The following MPP7 variants were observed in gnomAD, a reference collection of about 807,000 sequenced individuals.
The protein encoded by MPP7 is MAGUK p55 scaffold protein 7, also known as MAGUK p55 subfamily member 7.
In MPP7, 60 loss-of-function variants were observed where a neutral mutation model predicts 76.5. The observed-to-expected ratio is 0.78, with a 90% confidence interval of 0.64 to 0.97. The LOEUF is 0.97. MPP7 is among the 50% of genes least tolerant of loss of function. The pLI is 0.00. For synonymous variants in MPP7, 237 were observed against 244.5 expected (o/e 0.97, Z 0.29); for missense variants, 641 against 694.0 (o/e 0.92, Z 0.86).
chr10:28,224,292 A>C (rs1468261445), intron 2 of MPP7, among the ~76,000 whole-genome samples: 1 of 152,178 alleles, frequency 6.6e-6, no homozygotes, highest in African/African-American at 2.4e-5. Context: ...GTTAACAACT[A>C]GAAGAAAAAA....
chr10:28,103,787 T>C (rs7069269), intron 11 of MPP7, among the ~76,000 whole-genome samples: 29,635 of 151,948 alleles, frequency 0.2, 4,353 homozygotes, highest in African/African-American at 0.4. Flanking sequence ...GAAAGTTATA[T>C]GCTACAAATA....
At chr10:28,303,141 G>A (rs191482902), upstream of MPP7, among the ~76,000 whole-genome samples, 2 of 152,220 alleles carry the variant, frequency 1.3e-5, no homozygotes, top group Non-Finnish European at 2.9e-5. Context: ...GGTAAGAGGG[G>A]CCTGCTGATA....
chr10:28,231,588 G>GTAA (rs1838886394), intron 2 of MPP7, among the ~76,000 whole-genome samples: 1 of 148,426 alleles, frequency 6.7e-6, no homozygotes, highest in Non-Finnish European at 1.5e-5. Context: ...CAGGTACGAA[G>GTAA]TAATAATAAT....
intron 12 of MPP7, among the ~76,000 whole-genome samples, chr10:28,081,676 T>C (rs1852766140): frequency 6.6e-6 from 1 of 152,156 alleles, no homozygotes; most frequent in Non-Finnish European, 1.5e-5. Context: ...AAAATAATAT[T>C]TTGTATTTTC....
At chr10:28,232,265 G>C (rs1198623453) in intron 2 of MPP7, among the ~76,000 whole-genome samples, 1 of 152,038 alleles carries the variant, frequency 6.6e-6, no homozygotes, top group Non-Finnish European at 1.5e-5. Context: ...GAGACACTGA[G>C]GCAGGAGGAT....
At chr10:28,242,490 G>A (rs1041910918) in intron 1 of MPP7, among the ~76,000 whole-genome samples, 1 of 152,142 alleles carries the variant, frequency 6.6e-6, no homozygotes, top group African/African-American at 2.4e-5. Flanking sequence ...AAGAATAAAA[G>A]GAGGCAACAT....
chr10:28,256,098 G>T (rs1335602157), intron 1 of MPP7, among the ~76,000 whole-genome samples: 3 of 152,140 alleles, frequency 2.0e-5, no homozygotes, highest in Non-Finnish European at 4.4e-5. Flanking sequence ...TATACTAGGA[G>T]TGTGAAAAGG....
intron 3 of MPP7, among the ~76,000 whole-genome samples, chr10:28,177,675 A>C (rs1322953976): frequency 6.6e-6 from 1 of 152,238 alleles, no homozygotes; most frequent in Non-Finnish European, 1.5e-5. Flanking sequence ...TCTCTATCCT[A>C]AGTTGCACTA....
intron 11 of MPP7, among the ~76,000 whole-genome samples, chr10:28,108,844 G>A (rs1564634332): frequency 1.3e-5 from 2 of 151,966 alleles, no homozygotes; most frequent in South Asian, 4.1e-4. Flanking sequence ...AAATATTTTC[G>A]TGTATAACAA....
intron 3 of MPP7, among the ~76,000 whole-genome samples, chr10:28,199,546 G>C (rs1837700508): frequency 6.6e-6 from 1 of 151,918 alleles, no homozygotes; most frequent in Non-Finnish European, 1.5e-5. Flanking sequence ...CTCTTTATAA[G>C]TATATTTTTT....
intron 1 of MPP7, among the ~76,000 whole-genome samples, chr10:28,301,768 A>G (rs1841160914): frequency 6.6e-6 from 1 of 152,182 alleles, no homozygotes; most frequent in South Asian, 2.1e-4. Flanking sequence ...TCACGATTAA[A>G]TGGAAATACT....
rs12265130 is a variant in MPP7 at position 28,102,700 on chromosome 10, C to T, written c.953-12859G>A. Among the ~76,000 whole-genome samples the T allele has an allele frequency of 4.2e-3, 640 of 152,272 alleles. 5 individuals are homozygous for T. The highest frequency in any genetic ancestry group is 0.014 in the African/African-American group (590 of 41,548). On this transcript the variant is annotated intron_variant, in intron 11 of 16. Transcript: ENST00000683449. ...TAAATCCAAAAACCATACACCCATC[C>T]TTGGTTTGCCACTTTGTAGGGAAAT... is the stretch of plus-strand genomic sequence containing the variant.
Position 28,089,746 on chromosome 10 carries a change from C to T in MPP7, c.1048G>A (p.Asp350Asn). The T allele has an allele frequency of 6.2e-7, 1 of 1,613,730 alleles. No homozygotes were observed. Among genetic ancestry groups the T allele is most frequent in the Non-Finnish European group, 8.5e-7 (1 of 1,179,720 alleles). Residue 350 changes from aspartate (D) to asparagine (N), a missense_variant, in exon 12 of 17, where the codon GAC becomes AAC. Asp to Asn is a conservative substitution (Grantham distance 23). Coordinates refer to ENST00000683449, the MANE Select transcript of MPP7 (RefSeq NM_001318170.2). ...CKKSDQYDTA[D>N]VPTYEEVTPY... ...GTCACTTCTTCGTATGTGGGTACGT[C>T]AGCTGTGTCGTACTGATCACTCTTC... is the stretch of plus-strand genomic sequence containing the variant.
At chr10:28,234,602 T>C (rs1008713253) in intron 2 of MPP7, among the ~76,000 whole-genome samples, 6 of 152,178 alleles carry the variant, frequency 3.9e-5, no homozygotes, top group Non-Finnish European at 5.9e-5. Context: ...TGACAGAATA[T>C]ACCCTCAGTG....
At chr10:28,092,740 ATTT>A (rs536385197) in intron 11 of MPP7, among the ~76,000 whole-genome samples, 12 of 105,512 alleles carry the variant, frequency 1.1e-4, no homozygotes, top group Admixed American at 2.4e-4. Flanking sequence ...ACCTGGCTCA[ATTT>A]TTTTTTTTTT....
chr10:28,160,617 C>T (rs1006571614), intron 3 of MPP7, among the ~76,000 whole-genome samples: 3 of 152,186 alleles, frequency 2.0e-5, no homozygotes, highest in African/African-American at 4.8e-5. Context: ...TTGAGAACCA[C>T]GACTACCTAC....
intron 12 of MPP7, among the ~76,000 whole-genome samples, chr10:28,071,635 T>C (rs1852245127): frequency 6.6e-6 from 1 of 152,150 alleles, no homozygotes; most frequent in South Asian, 2.1e-4. Flanking sequence ...TAACTAAAAA[T>C]AATATATGAA....
At chr10:28,194,428 T>C (rs555358537) in intron 3 of MPP7, among the ~76,000 whole-genome samples, 1 of 152,344 alleles carries the variant, frequency 6.6e-6, no homozygotes, top group East Asian at 1.9e-4. Context: ...CAAATGTTTA[T>C]AGAAAGTTTA....
intron 2 of MPP7, among the ~76,000 whole-genome samples, chr10:28,325,454 C>T (rs992710838): frequency 2.6e-5 from 4 of 151,762 alleles, no homozygotes; most frequent in African/African-American, 9.7e-5. Flanking sequence ...AGTTTGAGAC[C>T]GACCAGGGCA....
Sources: gnomAD v4.1 joint callset for allele counts (sites outside exome capture counted in the v4.1 genomes callset) on GRCh38, gnomAD v4.1.1 for gene constraint, MANE v1.5 for transcripts, NCBI Gene and HGNC (gene_info 2026-07-23, HGNC 2026-07-21) for gene names.